The following GLB1L3 variants were observed in gnomAD, a reference collection of about 807,000 sequenced individuals.
The protein encoded by GLB1L3 is beta-galactosidase-1-like protein 3.
In GLB1L3, 89 loss-of-function variants were observed where a neutral mutation model predicts 89.5. The observed-to-expected ratio is 0.99, with a 90% CI of 0.84 to 1.19. GLB1L3 has a LOEUF of 1.19. GLB1L3 is among the 50% of genes most tolerant of loss of function. The pLI is 0.00. For missense variants in GLB1L3, 812 were observed against 813.3 expected (o/e 1.00, Z 0.02); for synonymous variants, 314 against 312.3 (o/e 1.01, Z -0.06).
At chr11:134,282,223 A>C in intron 5 of GLB1L3, 103 bp downstream of exon 5, 1 of 1,347,060 alleles carries the variant, frequency 7.4e-7, no homozygotes, top group Non-Finnish European at 1.0e-6. Context: ...TTATTCACGG[A>C]GCCGATGGGA....
At chr11:134,310,014 T>C in intron 11 of GLB1L3, 1 of 517,494 alleles carries the variant, frequency 1.9e-6, no homozygotes, top group Non-Finnish European at 3.5e-6. Flanking sequence ...CCTGTTGGCT[T>C]GAACCTCTGA....
At chr11:134,312,579 C>T in intron 14 of GLB1L3, 90 bp downstream of exon 14, 1 of 1,481,900 alleles carries the variant, frequency 6.7e-7, no homozygotes, top group Non-Finnish European at 9.1e-7. Context: ...ATGCACGTTG[C>T]TGTTTGGTGA....
rs778678140 is a variant in GLB1L3, at chr11:134,310,639, C to G, written c.1168C>G (p.Gln390Glu). 4 of 1,612,380 alleles carry G rather than the reference C, an allele frequency of 2.5e-6. No homozygotes were observed. Among genetic ancestry groups the G allele is most frequent in the South Asian group, 2.2e-5 (2 of 90,910 alleles). The change falls in exon 12 of 20, where the codon CAA becomes GAA. Residue 390 changes from glutamine to glutamate, a missense_variant. This residue lies in a region of GLB1L3 where 618 missense variants were observed against 604.0 expected (regional missense o/e 1.02). Transcript: ENST00000431683. ...ATATCTGAAGCTTCAAAAACTCTTT[C>G]AATCTGTCTCAGGTACTCAGCACCC... ...EKYLKLQKLF[Q>E]SVSATPLPRV...
chr11:134,293,334 G>A (rs893284242), intron 9 of GLB1L3, 125 bp downstream of exon 9: 5 of 779,578 alleles, frequency 6.4e-6, no homozygotes, highest in African/African-American at 3.5e-5. Flanking sequence ...CTGGGTCCTC[G>A]GCAGGTTCCA....
intron 19 of GLB1L3, 32 bp downstream of exon 19, chr11:134,318,779 C>G: frequency 6.4e-7 from 1 of 1,552,296 alleles, no homozygotes; most frequent in Non-Finnish European, 8.9e-7. Context: ...CTTGAGATCT[C>G]ATAAACTTTC....
intron 14 of GLB1L3, 73 bp from the exon 15 acceptor site, chr11:134,312,743 C>A (rs904993322): frequency 2.3e-6 from 3 of 1,288,568 alleles, no homozygotes; most frequent in African/African-American, 2.9e-5. Flanking sequence ...ACCTCCTTCT[C>A]CCGAAACCGC....
intron 6 of GLB1L3, among the ~76,000 whole-genome samples, chr11:134,286,492 G>A (rs1940990679): frequency 7.1e-6 from 1 of 140,540 alleles, no homozygotes; most frequent in African/African-American, 2.7e-5. Context: ...AGAAAGACTG[G>A]TGGCCGGGCG....
intron 10 of GLB1L3, among the ~76,000 whole-genome samples, chr11:134,308,205 C>T (rs1311121526): frequency 1.3e-4 from 4 of 29,900 alleles, no homozygotes; most frequent in Admixed American, 4.7e-4. Flanking sequence ...ATCACCACTA[C>T]CACCACCACC....
chr11:134,283,706 C>G (rs776804316), intron 5 of GLB1L3, 31 bp from the exon 6 acceptor site: 15 of 1,365,916 alleles, frequency 1.1e-5, no homozygotes, highest in Non-Finnish European at 1.5e-5. Context: ...CAACCCGTCT[C>G]AGACCCTGAG....
At chr11:134,304,202 G>C (rs901431480) in intron 9 of GLB1L3, among the ~76,000 whole-genome samples, 1 of 151,990 alleles carries the variant, frequency 6.6e-6, no homozygotes, top group African/African-American at 2.4e-5. Context: ...TATCTCTTTA[G>C]TTTGTACATT....
Position 134,296,816 on chromosome 11 carries a change from A to G in GLB1L3, c.876+3607A>G, listed in dbSNP as rs1232839869. Among the ~76,000 whole-genome samples the G allele has an allele frequency of 2.7e-5, 4 of 147,706 alleles. No individual in the cohort carries two copies. The Admixed American group carries it at 2.7e-4, about 10-fold the overall frequency. ...TGTAACTAACCTGCACATTGTGCAC[A>G]TGTACCCTAAAACTTAAAGTATAAT... On this transcript the variant is annotated intron_variant, in intron 9 of 19. Coordinates refer to ENST00000431683, the MANE Select transcript of GLB1L3 (RefSeq NM_001080407.3).
At chr11:134,313,345 T>C in intron 15 of GLB1L3, 51 bp from the exon 16 acceptor site, 1 of 1,444,624 alleles carries the variant, frequency 6.9e-7, no homozygotes, top group Non-Finnish European at 9.5e-7. Context: ...GGTTGTCGGG[T>C]AGACGCCCTC....
At chr11:134,317,775 A>G (rs548747984) in intron 18 of GLB1L3, among the ~76,000 whole-genome samples, 12 of 152,134 alleles carry the variant, frequency 7.9e-5, no homozygotes, top group African/African-American at 2.9e-4. Flanking sequence ...ATTTCCCGCT[A>G]TGGTTGTAAA....
At position 134,303,100 on chromosome 11, in the gene GLB1L3, C is replaced by A. The variant is rs75360127; in HGVS notation, c.877-4024C>A. Among the ~76,000 whole-genome samples the A allele has an allele frequency of 3.6e-3, 552 of 152,238 alleles. 19 individuals carry two copies. In the East Asian group the frequency reaches 0.09, roughly 25 times the overall value. On this transcript the variant is annotated intron_variant, in intron 9 of 19. Coordinates refer to ENST00000431683, the MANE Select transcript of GLB1L3 (RefSeq NM_001080407.3). ...ACTAGGGAGTCATCCTGTTTGTATG[C>A]AGTATTGCTTTTTGTCTTAAGGTCA...
At position 134,276,401 on chromosome 11, in the gene GLB1L3, G is replaced by C. The variant is rs1371502680; in HGVS notation, c.-340G>C. 1 of 264,320 alleles carries C rather than the reference G, an allele frequency of 3.8e-6. No individual in the cohort carries two copies. The highest frequency in any genetic ancestry group is 1.7e-4 in the South Asian group (1 of 5,940). 16.4% of individuals were successfully genotyped at this position (264,320 alleles called of 1,614,324 possible). A position where few individuals can be genotyped will look rare whatever the true frequency, so the allele number is the denominator to read the frequency against. On this transcript the variant is annotated 5_prime_UTR_variant, in exon 1 of 20. Coordinates refer to ENST00000431683, the MANE Select transcript of GLB1L3 (RefSeq NM_001080407.3). ...GGCCTCCCTGTGCCAGCCGGCTGTCGACCCAGGTTAGGAAGCCCGAGGTCG... is the reference window on the plus strand; with the variant it reads ...GGCCTCCCTGTGCCAGCCGGCTGTCCACCCAGGTTAGGAAGCCCGAGGTCG...
chr11:134,305,438 TCC>T, intron 9 of GLB1L3: 1 of 268,928 alleles, frequency 3.7e-6, no homozygotes. Context: ...CGCTTCTTCC[TCC>T]TCATTTATAT....
At chr11:134,291,988 A>G in intron 7 of GLB1L3, 144 bp from the exon 8 acceptor site, 1 of 633,080 alleles carries the variant, frequency 1.6e-6, no homozygotes, top group East Asian at 2.8e-5. Flanking sequence ...AAAAAAATTT[A>G]AAATTAAAAA....
chr11:134,279,300 C>G (rs1194454189), intron 3 of GLB1L3, among the ~76,000 whole-genome samples: 1 of 150,590 alleles, frequency 6.6e-6, no homozygotes, highest in Non-Finnish European at 1.5e-5. Context: ...TCTATTTCTT[C>G]TTGAATACAT....
At chr11:134,315,658 T>C (rs1942946793) in intron 18 of GLB1L3, among the ~76,000 whole-genome samples, 1 of 152,226 alleles carries the variant, frequency 6.6e-6, no homozygotes, top group African/African-American at 2.4e-5. Flanking sequence ...TGTCATTTGT[T>C]ACAGGATATC....
Sources: gnomAD v4.1 joint callset for allele counts (sites outside exome capture counted in the v4.1 genomes callset) on GRCh38, gnomAD v4.1.1 for gene constraint, gnomAD v4.1.1 regional missense constraint, MANE v1.5 for transcripts, NCBI Gene and HGNC (gene_info 2026-07-23, HGNC 2026-07-21) for gene names.